ADAMTS12: variants seen among roughly 807,000 people sequenced by gnomAD.
ADAMTS12 encodes A disintegrin and metalloproteinase with thrombospondin motifs 12.
A neutral mutation model predicts 167.8 loss-of-function variants in ADAMTS12; 118 were observed. The ratio of observed to expected loss-of-function variants is 0.70; its 90% CI spans 0.61 to 0.82. The LOEUF (loss-of-function observed/expected upper bound fraction) is 0.82. Among genes scored for constraint, ADAMTS12 ranks in the 40% least tolerant of loss-of-function variants. ADAMTS12 has a pLI of 0.00. For synonymous variants in ADAMTS12, 704 were observed against 716.9 expected (o/e 0.98, Z 0.29); for missense variants, 1,916 against 1,998.8 (o/e 0.96, Z 0.79).
intron 16 of ADAMTS12, among the ~76,000 whole-genome samples, chr5:33,600,685 T>C (rs1561158964): frequency 6.6e-6 from 1 of 152,180 alleles, no homozygotes; most frequent in African/African-American, 2.4e-5. Flanking sequence ...GGTCTCTTTT[T>C]TAAAATAACC....
At chr5:33,773,190 T>C (rs1745807692) in intron 2 of ADAMTS12, among the ~76,000 whole-genome samples, 1 of 152,336 alleles carries the variant, frequency 6.6e-6, no homozygotes, top group African/African-American at 2.4e-5. Flanking sequence ...CGGTGACTTG[T>C]TTCTTTCTGA....
chr5:33,701,591 A>G (rs998831573), intron 3 of ADAMTS12, among the ~76,000 whole-genome samples: 1 of 152,210 alleles, frequency 6.6e-6, no homozygotes, highest in Non-Finnish European at 1.5e-5. Context: ...AGTTCTCTTC[A>G]TATCTTAAAT....
intron 3 of ADAMTS12, among the ~76,000 whole-genome samples, chr5:33,684,877 G>A (rs1742268638): frequency 6.6e-6 from 1 of 152,208 alleles, no homozygotes; most frequent in Admixed American, 6.5e-5. Context: ...TGTAAGTAGG[G>A]AGCATATTCT....
Position 33,649,634 on chromosome 5 carries a change from G to A in ADAMTS12, c.1254C>T (p.Ile418=), listed in dbSNP as rs369781490. 16 of 1,613,940 alleles carry A rather than the reference G, an allele frequency of 9.9e-6. No homozygotes were observed. In the Admixed American group the frequency reaches 1.0e-4, roughly 10 times the overall value. The part of the protein sequence containing the change: ...DCEPVGRHPY[I]MSRQLQYDPT... ...GATCGTACTGGAGCTGGCGGGACATGATGTACGGATGTCTGCCCACAGGCT... is the reference window on the plus strand; with the variant it reads ...GATCGTACTGGAGCTGGCGGGACATAATGTACGGATGTCTGCCCACAGGCT... Residue 418 remains isoleucine (I), a synonymous_variant, in exon 8 of 24, where the codon ATC becomes ATT. Coordinates refer to ENST00000504830, the MANE Select transcript of ADAMTS12 (RefSeq NM_030955.4).
intron 13 of ADAMTS12, among the ~76,000 whole-genome samples, chr5:33,625,906 G>A (rs922332651): frequency 6.6e-6 from 1 of 152,148 alleles, no homozygotes; most frequent in Admixed American, 6.6e-5. Context: ...GAGCTCTCAG[G>A]GGAAAAGAAA....
chr5:33,742,516 TG>T (rs1253044227), intron 3 of ADAMTS12, among the ~76,000 whole-genome samples: 5 of 152,218 alleles, frequency 3.3e-5, no homozygotes, highest in Admixed American at 6.5e-5. Flanking sequence ...TGGCTCCCAG[TG>T]CTCTTGGAAT....
At chr5:33,658,367 A>C in intron 6 of ADAMTS12, 34 bp from the exon 7 acceptor site, 1 of 1,605,296 alleles carries the variant, frequency 6.2e-7, no homozygotes, top group South Asian at 1.1e-5. Context: ...TAAGGCGCCC[A>C]AAGGAACATC....
chr5:33,748,164 G>A (rs767989419), intron 3 of ADAMTS12, among the ~76,000 whole-genome samples: 1 of 152,058 alleles, frequency 6.6e-6, no homozygotes, highest in Non-Finnish European at 1.5e-5. Flanking sequence ...CAGATTTCTG[G>A]AACAAAAGTT....
chr5:33,688,879 C>G (rs906768576), intron 3 of ADAMTS12, among the ~76,000 whole-genome samples: 4 of 151,870 alleles, frequency 2.6e-5, no homozygotes, highest in African/African-American at 9.7e-5. Context: ...TTCTGCCCAG[C>G]CCACGCAGGT....
At chr5:33,592,425 A>G (rs906181766) in intron 17 of ADAMTS12, among the ~76,000 whole-genome samples, 2 of 152,208 alleles carry the variant, frequency 1.3e-5, no homozygotes, top group South Asian at 4.1e-4. Context: ...TTTATTGAGT[A>G]CTTTGGATAT....
intron 2 of ADAMTS12, among the ~76,000 whole-genome samples, chr5:33,779,924 G>T: frequency 6.6e-6 from 1 of 152,138 alleles, no homozygotes; most frequent in East Asian, 1.9e-4. Flanking sequence ...CTATAACAGT[G>T]ACTATAGTTA....
chr5:33,605,877 T>G (rs1738413080), intron 16 of ADAMTS12, among the ~76,000 whole-genome samples: 1 of 152,212 alleles, frequency 6.6e-6, no homozygotes, highest in African/African-American at 2.4e-5. Context: ...ACAAATAAGT[T>G]ATACAAAGTT....
rs577439741 is a variant in ADAMTS12 at position 33,598,915 on chromosome 5, C to G, written c.2528-2855G>C. The stretch of plus-strand genomic sequence containing the variant: ...AGAGGCCAGATTAGAAAAGGCCAAG[C>G]AACTTCATCTGCTGCATCTGTGTCT... On this transcript the variant is annotated intron_variant, in intron 16 of 23. Coordinates refer to ENST00000504830, the MANE Select transcript of ADAMTS12 (RefSeq NM_030955.4). Among the ~76,000 whole-genome samples, 24 of 152,284 alleles carry G rather than the reference C, an allele frequency of 1.6e-4. No individual in the cohort carries two copies. The South Asian group carries it at 5.0e-3, about 32-fold the overall frequency.
At chr5:33,846,410 C>T (rs1450401734) in intron 2 of ADAMTS12, among the ~76,000 whole-genome samples, 3 of 152,208 alleles carry the variant, frequency 2.0e-5, no homozygotes, top group African/African-American at 7.2e-5. Flanking sequence ...AAACCAAACA[C>T]TTGAAATGCT....
At position 33,744,793 on chromosome 5, in the gene ADAMTS12, C is replaced by A. The variant is rs776830338; in HGVS notation, c.634+6611G>T. On this transcript the variant is annotated intron_variant, in intron 3 of 23. Transcript: ENST00000504830. ...AGAGCTTTGAAGCTAGAAATGTTGT[C>A]ATTTGTTTTGGGTTTTCTTTCTTTC... 3.3e-5 allele frequency among the ~76,000 whole-genome samples: 5 copies of A among 152,238 alleles called. No homozygotes were observed. The East Asian group carries it at 7.7e-4, about 23-fold the overall frequency.
intron 4 of ADAMTS12, among the ~76,000 whole-genome samples, 181 bp downstream of exon 4, chr5:33,683,678 G>A (rs1742215946): frequency 1.3e-5 from 2 of 152,066 alleles, no homozygotes; most frequent in Non-Finnish European, 2.9e-5. Flanking sequence ...ATCTTTAAGG[G>A]AAAGACTAAT....
At chr5:33,682,008 TA>T (rs1742138182) in intron 5 of ADAMTS12, among the ~76,000 whole-genome samples, 1 of 152,238 alleles carries the variant, frequency 6.6e-6, no homozygotes, top group African/African-American at 2.4e-5. Flanking sequence ...TGGCTGCATT[TA>T]AAATGATCAT....
intron 5 of ADAMTS12, among the ~76,000 whole-genome samples, chr5:33,667,317 CAA>C (rs5867201): frequency 0.011 from 890 of 78,320 alleles, 13 homozygotes; most frequent in African/African-American, 0.038. Context: ...GACTCTGTCT[CAA>C]AAAAAAAAAA....
chr5:33,669,789 A>G (rs116447590), intron 5 of ADAMTS12, among the ~76,000 whole-genome samples: 242 of 152,240 alleles, frequency 1.6e-3, no homozygotes, highest in Middle Eastern at 3.4e-3. Context: ...CCAAAAACAA[A>G]TAAACAAAAA....
Sources: gnomAD v4.1 joint callset for allele counts (sites outside exome capture counted in the v4.1 genomes callset) on GRCh38, gnomAD v4.1.1 for gene constraint, MANE v1.5 for transcripts, NCBI Gene and HGNC (gene_info 2026-07-23, HGNC 2026-07-21) for gene names.